Variants in C8orf58 observed in about 807,000 individuals in gnomAD.
C8orf58 encodes the protein uncharacterized protein C8orf58.
C8orf58 carries 31 observed loss-of-function variants against 36.8 expected under a neutral mutation model. The ratio of observed to expected loss-of-function variants is 0.84; its 90% CI spans 0.63 to 1.14. The LOEUF (loss-of-function observed/expected upper bound fraction) is 1.14, where lower values mean the gene tolerates loss of function less well. C8orf58 is among the 50% of genes most tolerant of loss of function. C8orf58 has a pLI of 0.00. For synonymous variants in C8orf58, 230 were observed against 200.2 expected, an observed-to-expected ratio of 1.15 and a Z score of -1.26; for missense variants, 538 against 480.8, an observed-to-expected ratio of 1.12 and a Z score of -1.11.
Position 22,601,015 on chromosome 8 carries a change from G to C in C8orf58, c.174G>C (p.Glu58Asp). ...RGDKFRGVGR[E>D]ALFLKLASRD... ...ACAAGTTCAGAGGTGTCGGCAGGGA[G>C]GCACTCTTTCTCAAACTGGCCTCCC... The change falls in exon 2 of 7, where the codon GAG becomes GAC. Residue 58 changes from glutamate to aspartate, a missense_variant. Transcript: ENST00000289989. The C allele has an allele frequency of 6.2e-7, 1 of 1,612,806 alleles. No individual in the cohort carries two copies. Among genetic ancestry groups the C allele is most frequent in the Non-Finnish European group, 8.5e-7 (1 of 1,180,012 alleles).
intron 6 of C8orf58, 134 bp from the exon 7 acceptor site, chr8:22,603,061 C>A: frequency 1.5e-6 from 1 of 657,202 alleles, no homozygotes. Context: ...GAAGAAATAC[C>A]AAGTCATTTA....
In C8orf58 at chr8:22,603,261, A is replaced by C. The variant is rs1163778436; in HGVS notation, c.1053A>C (p.Ser351=). ...CCCACCGGAAGACCTTTATGCCATC[A>C]TTAGTGGTTAAGAAGCAACGAGCAA... The part of the protein sequence containing the change: ...CRPHRKTFMP[S]LVVKKQRAKN... Residue 351 remains serine (S), a synonymous_variant, in exon 7 of 7, where the codon TCA becomes TCC. Transcript: ENST00000289989. The C allele has an allele frequency of 1.2e-6, 2 of 1,613,822 alleles. No homozygotes were observed. The highest frequency in any genetic ancestry group is 2.7e-5 in the African/African-American group (2 of 74,874).
chr8:22,602,331 TGGGGCAGGTGGTGGGCTGGGGTGGGGGGA>T lies in C8orf58; in HGVS notation c.879+24_879+52del. On this transcript the variant is annotated intron_variant, in intron 5 of 6. Transcript: ENST00000289989. ...ACACAAGGTAGGGGACAGGTATATG[TGGGGCAGGTGGTGGGCTGGGGTGGGGGGA>T]GGGGAGGTGGGGGATGCATGGGCAC... 1 of 340,938 alleles carries T rather than the reference TGGGGCAGGTGGTGGGCTGGGGTGGGGGGA, an allele frequency of 2.9e-6. No homozygotes were observed. The highest frequency in any genetic ancestry group is 4.8e-6 in the Non-Finnish European group (1 of 208,908). 21.1% of individuals were successfully genotyped at this position (340,938 alleles called of 1,614,324 possible). A position where few individuals can be genotyped will look rare whatever the true frequency, so the allele number is the denominator to read the frequency against.
At position 22,603,281 on chromosome 8, in the gene C8orf58, G is replaced by T; in HGVS notation, c.1073G>T (p.Arg358Leu). ...CCATCATTAGTGGTTAAGAAGCAAC[G>T]AGCAAAAAACCTTTCTGTAGGCTGA... Reference protein sequence around the residue: ...FMPSLVVKKQRAKNLSVG With the variant: ...FMPSLVVKKQLAKNLSVG Residue 358 changes from arginine (R) to leucine (L), a missense_variant, in exon 7 of 7, where the codon CGA becomes CTA. Physicochemically the swap from Arg to Leu is moderately radical, Grantham distance 102. Coordinates refer to ENST00000289989, the MANE Select transcript of C8orf58 (RefSeq NM_001013842.3). 1 of 1,613,874 alleles carries T rather than the reference G, an allele frequency of 6.2e-7. No individual in the cohort carries two copies. Among genetic ancestry groups the T allele is most frequent in the African/African-American group, 1.3e-5 (1 of 75,010 alleles).
intron 1 of C8orf58, chr8:22,600,273 C>T (rs1263174456): frequency 6.4e-6 from 1 of 157,460 alleles, no homozygotes; most frequent in Admixed American, 6.5e-5. Flanking sequence ...AATGCTGCCC[C>T]TTCGTCCCTT....
Position 22,603,426 on chromosome 8 carries a change from T to G in C8orf58, c.*120T>G. 1.3e-6 allele frequency: 1 copy of G among 751,130 alleles called. No homozygotes were observed. The highest frequency in any genetic ancestry group is 2.4e-6 in the Non-Finnish European group (1 of 420,892). 46.5% of individuals were successfully genotyped at this position (751,130 alleles called of 1,614,324 possible). On this transcript the variant is annotated 3_prime_UTR_variant, in exon 7 of 7. Transcript: ENST00000289989. ...GAAAAGCTGCTGACGCCTGCCCTCC[T>G]CTCTTGAGTCGAGGGCTGAATCTTT...
chr8:22,599,691 ATTG>A lies in C8orf58; in HGVS notation c.-29_-27del, dbSNP rs1185810193. The A allele has an allele frequency of 3.0e-4, 360 of 1,190,674 alleles. 1 individual carries two copies. In the East Asian group the frequency reaches 7.1e-3, roughly 23 times the overall value. 73.8% of individuals were successfully genotyped at this position (1,190,674 alleles called of 1,614,324 possible). On this transcript the variant is annotated 5_prime_UTR_variant, in exon 1 of 7. Coordinates refer to ENST00000289989, the MANE Select transcript of C8orf58 (RefSeq NM_001013842.3). Reference sequence around the variant, plus strand: ...CGGGCCGGGATCCTCGGGCGGCTGCATTGGCCGGGGCCGGGGCCGGGAGCGGGC... The same window carrying A: ...CGGGCCGGGATCCTCGGGCGGCTGCAGCCGGGGCCGGGGCCGGGAGCGGGC...
Position 22,601,056 on chromosome 8 carries a change from A to T in C8orf58, c.215A>T (p.Glu72Val). The T allele has an allele frequency of 6.2e-7, 1 of 1,612,824 alleles. No individual in the cohort carries two copies. Among genetic ancestry groups the T allele is most frequent in the Non-Finnish European group, 8.5e-7 (1 of 1,180,006 alleles). The part of the protein sequence containing the change: ...LKLASRDSGV[E>V]MAVGDSPLAA... ...CTGGCCTCCCGGGACTCAGGAGTGG[A>T]GATGGCAGTTGGGGACAGCCCCCTG... Residue 72 changes from glutamate (E) to valine (V), a missense_variant, in exon 2 of 7, where the codon GAG becomes GTG. Transcript: ENST00000289989.
At position 22,601,973 on chromosome 8, in the gene C8orf58, A is replaced by G; in HGVS notation, c.659A>G (p.Asp220Gly). Reference sequence around the variant, plus strand: ...ATCACCTGTCTCTCCTGTGCATAGGATCCCGGCGAGGAGGAGTCGACCCGA... The same window carrying G: ...ATCACCTGTCTCTCCTGTGCATAGGGTCCCGGCGAGGAGGAGTCGACCCGA... ...LQLRIQRPPG[D>G]PGEEESTRAP... is the part of the protein sequence containing the mutation. The change falls in exon 4 of 7, where the codon GAT becomes GGT. Residue 220 changes from aspartate (D) to glycine (G), a missense_variant and splice_region_variant. Asp to Gly is a moderately conservative substitution (Grantham distance 94). Coordinates refer to ENST00000289989, the MANE Select transcript of C8orf58 (RefSeq NM_001013842.3). 6.4e-7 allele frequency: 1 copy of G among 1,552,260 alleles called. No homozygotes were observed. The highest frequency in any genetic ancestry group is 8.7e-7 in the Non-Finnish European group (1 of 1,145,698).
At position 22,603,547 on chromosome 8, in the gene C8orf58, G is replaced by T; in HGVS notation, c.*241G>T. ...CTTCCTCCTCACCAGAAATCCCTGGGCTTCCACAATGTGAACTCACTCATT... is the reference window on the plus strand; with the variant it reads ...CTTCCTCCTCACCAGAAATCCCTGGTCTTCCACAATGTGAACTCACTCATT... On this transcript the variant is annotated 3_prime_UTR_variant, in exon 7 of 7. Transcript: ENST00000289989. 1.8e-6 allele frequency: 1 copy of T among 563,930 alleles called. No individual in the cohort carries two copies. Among genetic ancestry groups the T allele is most frequent in the East Asian group, 3.1e-5 (1 of 32,448 alleles). The allele number at this position is 563,930 out of a possible 1,614,324, so 34.9% of individuals were successfully genotyped here. A position where few individuals can be genotyped will look rare whatever the true frequency, so the allele number is the denominator to read the frequency against.
chr8:22,603,664 CTGTG>C lies in C8orf58; in HGVS notation c.*361_*364del. The stretch of plus-strand genomic sequence containing the variant: ...TTTATGCGCAATGGTATGCATATCT[CTGTG>C]TGACTGTCAGTGTTGCAAGCTGGCT... On this transcript the variant is annotated 3_prime_UTR_variant, in exon 7 of 7. Coordinates refer to ENST00000289989, the MANE Select transcript of C8orf58 (RefSeq NM_001013842.3). 3 of 359,882 alleles carry C rather than the reference CTGTG, an allele frequency of 8.3e-6. No homozygotes were observed. Among genetic ancestry groups the C allele is most frequent in the South Asian group, 6.8e-5 (3 of 44,264 alleles). The allele number at this position is 359,882 out of a possible 1,614,324, so 22.3% of individuals were successfully genotyped here.
rs1175412147 is a variant in C8orf58, at chr8:22,603,331, C to G, written c.*25C>G. ...AGACCTCTCGGTGCACCTGGTGACC[C>G]TGGGTGGAGGGGACTTGCTGTGAAG... On this transcript the variant is annotated 3_prime_UTR_variant, in exon 7 of 7. Coordinates refer to ENST00000289989, the MANE Select transcript of C8orf58 (RefSeq NM_001013842.3). The G allele has an allele frequency of 1.1e-5, 17 of 1,526,342 alleles. No individual in the cohort carries two copies. The highest frequency in any genetic ancestry group is 3.4e-5 in the South Asian group (3 of 89,384). The allele number at this position is 1,526,342 out of a possible 1,614,324, so 94.5% of individuals were successfully genotyped here. A position where few individuals can be genotyped will look rare whatever the true frequency, so the allele number is the denominator to read the frequency against.
intron 6 of C8orf58, 23 bp downstream of exon 6, chr8:22,602,666 GT>G: frequency 7.0e-7 from 1 of 1,428,648 alleles, no homozygotes; most frequent in Non-Finnish European, 9.5e-7. Context: ...CCCAGCCCAG[GT>G]TAGGGCACGG....
At chr8:22,599,992 C>T (rs2117387191) in intron 1 of C8orf58, 2 of 356,616 alleles carry the variant, frequency 5.6e-6, no homozygotes, top group South Asian at 1.5e-4. Context: ...GCCTCCGCCC[C>T]ACTTCCTCCG....
chr8:22,603,277 C>T lies in C8orf58; in HGVS notation c.1069C>T (p.Gln357Ter). ...TATGCCATCATTAGTGGTTAAGAAG[C>T]AACGAGCAAAAAACCTTTCTGTAGG... ...TFMPSLVVKK[Q>*]RAKNLSVG Residue 357 changes from glutamine (Q) to a stop codon, truncating the protein, a stop_gained, in exon 7 of 7, where the codon CAA (glutamine) becomes TAA (stop). Transcript: ENST00000289989. LOFTEE classifies it high-confidence loss of function. 2 of 1,613,962 alleles carry T rather than the reference C, an allele frequency of 1.2e-6. No individual in the cohort carries two copies. Among genetic ancestry groups the T allele is most frequent in the Non-Finnish European group, 1.7e-6 (2 of 1,179,982 alleles).
chr8:22,601,185 G>A lies in C8orf58; in HGVS notation c.344G>A (p.Gly115Glu). The A allele has an allele frequency of 6.2e-7, 1 of 1,609,780 alleles. No homozygotes were observed. Among genetic ancestry groups the A allele is most frequent in the Non-Finnish European group, 8.5e-7 (1 of 1,178,706 alleles). ...VGRLLASQKL[G>E]EVLERSRRLP... Reference sequence around the variant, plus strand: ...CGACTCCTGGCCAGCCAGAAGCTGGGGGAGGTGTTGGAGCGGTCCCGCCGG... The same window carrying A: ...CGACTCCTGGCCAGCCAGAAGCTGGAGGAGGTGTTGGAGCGGTCCCGCCGG... The change falls in exon 2 of 7, where the codon GGG becomes GAG. Residue 115 changes from glycine (G) to glutamate (E), a missense_variant. By Grantham distance (98) the Gly-to-Glu change is moderately conservative. Coordinates refer to ENST00000289989, the MANE Select transcript of C8orf58 (RefSeq NM_001013842.3).
intron 3 of C8orf58, 29 bp from the exon 4 acceptor site, chr8:22,601,943 C>A: frequency 6.5e-7 from 1 of 1,544,906 alleles, no homozygotes; most frequent in South Asian, 1.2e-5. Flanking sequence ...TCTAGCCAGG[C>A]CCTGATCACC....
chr8:22,599,824 A>G (rs1191837024), intron 1 of C8orf58, 64 bp downstream of exon 1: 3 of 748,946 alleles, frequency 4.0e-6, no homozygotes, highest in East Asian at 3.6e-5. Context: ...CCCGCCCCCA[A>G]GCCGGGCACC....
At position 22,599,695 on chromosome 8, in the gene C8orf58, G is replaced by A. The variant is rs1373469397; in HGVS notation, c.-26G>A. ...CCGGGATCCTCGGGCGGCTGCATTGGCCGGGGCCGGGGCCGGGAGCGGGCC... is the reference window on the plus strand; with the variant it reads ...CCGGGATCCTCGGGCGGCTGCATTGACCGGGGCCGGGGCCGGGAGCGGGCC... On this transcript the variant is annotated 5_prime_UTR_variant, in exon 1 of 7. Transcript: ENST00000289989. The A allele has an allele frequency of 8.3e-7, 1 of 1,200,642 alleles. No homozygotes were observed. The highest frequency in any genetic ancestry group is 1.0e-6 in the Non-Finnish European group (1 of 965,260). 74.4% of individuals were successfully genotyped at this position (1,200,642 alleles called of 1,614,324 possible).
Sources: gnomAD v4.1 joint callset for allele counts on GRCh38, gnomAD v4.1.1 for gene constraint, MANE v1.5 for transcripts, NCBI Gene and HGNC (gene_info 2026-07-23, HGNC 2026-07-21) for gene names.